The following GDPGP1 variants were observed in gnomAD, a reference collection of about 807,000 sequenced individuals.
The protein encoded by GDPGP1 is GDP-D-glucose phosphorylase C15orf58.
A neutral mutation model predicts 19.2 loss-of-function variants in GDPGP1; 18 were observed. That is an observed-to-expected ratio of 0.94 (90% confidence interval 0.65 to 1.39). GDPGP1 has a LOEUF of 1.39. GDPGP1 is among the 40% of genes most tolerant of loss of function. GDPGP1 has a pLI of 0.00. For synonymous variants in GDPGP1, 219 were observed against 208.9 expected (o/e 1.05, Z -0.42); for missense variants, 449 against 490.5 (o/e 0.92, Z 0.80).
Position 90,241,080 on chromosome 15 carries a change from C to T in GDPGP1, c.172C>T (p.Pro58Ser), listed in dbSNP as rs202104753. 3.7e-6 allele frequency: 6 copies of T among 1,614,198 alleles called. No homozygotes were observed. Among genetic ancestry groups the T allele is most frequent in the South Asian group, 3.3e-5 (3 of 91,086 alleles). ...PGIPDALPQS[P>S]FDAALCSAWK... ...CATCCCAGATGCTCTGCCACAATCTCCCTTTGATGCTGCACTCTGCTCTGC... is the reference window on the plus strand; with the variant it reads ...CATCCCAGATGCTCTGCCACAATCTTCCTTTGATGCTGCACTCTGCTCTGC... The change falls in exon 4 of 4, where the codon CCC becomes TCC. Residue 58 changes from proline to serine, a missense_variant. Coordinates refer to ENST00000329600, the MANE Select transcript of GDPGP1 (RefSeq NM_001013657.3).
At chr15:90,235,380 A>G (rs902323799) in intron 2 of GDPGP1, among the ~76,000 whole-genome samples, 3 of 152,210 alleles carry the variant, frequency 2.0e-5, no homozygotes, top group African/African-American at 7.2e-5. Context: ...AGCATGGCCA[A>G]CATGGCAAAA....
rs1363289233 is a variant in GDPGP1, at chr15:90,241,837, G to A, written c.929G>A (p.Arg310Gln). The A allele has an allele frequency of 6.2e-6, 10 of 1,614,064 alleles. No homozygotes were observed. Among genetic ancestry groups the A allele is most frequent in the South Asian group, 2.2e-5 (2 of 91,082 alleles). Residue 310 changes from arginine (R) to glutamine (Q), a missense_variant, in exon 4 of 4, where the codon CGA becomes CAA. Transcript: ENST00000329600. Reference sequence around the variant, plus strand: ...CCTTCCTCAGCCCTCACAGGGGTCCGAGTAATTCTGTGGGCCCGGAAGTCC... The same window carrying A: ...CCTTCCTCAGCCCTCACAGGGGTCCAAGTAATTCTGTGGGCCCGGAAGTCC... ...TSPSSALTGV[R>Q]VILWARKSSF...
chr15:90,241,803 A>C lies in GDPGP1; in HGVS notation c.895A>C (p.Lys299Gln). The C allele has an allele frequency of 6.2e-7, 1 of 1,614,230 alleles. No homozygotes were observed. The highest frequency in any genetic ancestry group is 8.5e-7 in the Non-Finnish European group (1 of 1,180,024). The change falls in exon 4 of 4, where the codon AAG (lysine) becomes CAG (glutamine). Residue 299 changes from lysine to glutamine, a missense_variant. Coordinates refer to ENST00000329600, the MANE Select transcript of GDPGP1 (RefSeq NM_001013657.3). The stretch of plus-strand genomic sequence containing the variant: ...TGTCACCCGGGGAGCTCCGCCGGGA[A>C]AGACATCACCTTCCTCAGCCCTCAC... ...LFVTRGAPPG[K>Q]TSPSSALTGV...
intron 2 of GDPGP1, among the ~76,000 whole-genome samples, chr15:90,235,787 C>G (rs8038370): frequency 0.013 from 2,019 of 152,086 alleles, 11 homozygotes; most frequent in Non-Finnish European, 0.021. Context: ...CCAGGATGGT[C>G]TGGATCTCCT....
chr15:90,241,638 T>A lies in GDPGP1; in HGVS notation c.730T>A (p.Leu244Met). The A allele has an allele frequency of 6.2e-7, 1 of 1,614,160 alleles. No individual in the cohort carries two copies. ...CGAGCCCCTGGACCCTGGAGGCCAT[T>A]TGCATCTGCTCCAGGACCTCCCAGC... ...PSEPLDPGGH[L>M]HLLQDLPAPG... The change falls in exon 4 of 4, where the codon TTG (leucine) becomes ATG (methionine). Residue 244 changes from leucine to methionine, a missense_variant. Physicochemically the swap from Leu to Met is conservative, Grantham distance 15. Coordinates refer to ENST00000329600, the MANE Select transcript of GDPGP1 (RefSeq NM_001013657.3).
chr15:90,241,908 G>A lies in GDPGP1; in HGVS notation c.1000G>A (p.Glu334Lys), dbSNP rs753356585. The change falls in exon 4 of 4, where the codon GAG (glutamate) becomes AAG (lysine). Residue 334 changes from glutamate (E) to lysine (K), a missense_variant. Physicochemically the swap from Glu to Lys is moderately conservative, Grantham distance 56. Transcript: ENST00000329600. ...TGAAGCTTTCAATGTTGCCCTCTGT[G>A]AGCTGGCTGGGCACCTCCCTGTCAA... ...DGEAFNVALC[E>K]LAGHLPVKTS... The A allele has an allele frequency of 6.2e-7, 1 of 1,614,096 alleles. No individual in the cohort carries two copies. Among genetic ancestry groups the A allele is most frequent in the South Asian group, 1.1e-5 (1 of 91,078 alleles).
chr15:90,241,382 C>T lies in GDPGP1; in HGVS notation c.474C>T (p.Asn158=), dbSNP rs200657228. The change falls in exon 4 of 4, where the codon AAC becomes AAT. Residue 158 remains asparagine (N), a synonymous_variant. Coordinates refer to ENST00000329600, the MANE Select transcript of GDPGP1 (RefSeq NM_001013657.3). ...LLQEDILVVI[N]VSPLEWGHVL... The stretch of plus-strand genomic sequence containing the variant: ...AAGAAGACATCCTGGTGGTGATCAA[C>T]GTCAGCCCCCTGGAGTGGGGCCACG... 1.1e-5 allele frequency: 18 copies of T among 1,614,046 alleles called. No homozygotes were observed. The highest frequency in any genetic ancestry group is 8.0e-5 in the African/African-American group (6 of 75,066).
chr15:90,237,549 G>A (rs1361623080), intron 2 of GDPGP1, among the ~76,000 whole-genome samples: 1 of 152,122 alleles, frequency 6.6e-6, no homozygotes, highest in East Asian at 1.9e-4. Context: ...CTCCCAATGT[G>A]CTGGTCCAGG....
At chr15:90,235,821 G>A (rs1567070942) in intron 2 of GDPGP1, among the ~76,000 whole-genome samples, 1 of 152,028 alleles carries the variant, frequency 6.6e-6, no homozygotes, top group African/African-American at 2.4e-5. Flanking sequence ...GCCCACCTCG[G>A]CCTCTCAAAG....
Position 90,241,504 on chromosome 15 carries a change from C to T in GDPGP1, c.596C>T (p.Pro199Leu), listed in dbSNP as rs200990512. The change falls in exon 4 of 4, where the codon CCG becomes CTG. Residue 199 changes from proline (P) to leucine (L), a missense_variant. Physicochemically the swap from Pro to Leu is moderately conservative, Grantham distance 98 (BLOSUM62 -3). Transcript: ENST00000329600. ...GAGGCTGTGCTGCTGAGCTTACACCCGGGCTTCCGTGTCGGCTTCAACAGC... is the reference window on the plus strand; with the variant it reads ...GAGGCTGTGCTGCTGAGCTTACACCTGGGCTTCCGTGTCGGCTTCAACAGC... ...GIEAVLLSLHPGFRVGFNSLG... is the reference protein window; with the variant it reads ...GIEAVLLSLHLGFRVGFNSLG... The T allele has an allele frequency of 1.9e-5, 30 of 1,613,746 alleles. No individual in the cohort carries two copies. The highest frequency in any genetic ancestry group is 4.4e-5 in the South Asian group (4 of 91,064).
rs141541505 is a variant in GDPGP1, at chr15:90,242,253, C to CTTT, written c.*210_*212dup. On this transcript the variant is annotated 3_prime_UTR_variant, in exon 4 of 4. Transcript: ENST00000329600. ...TAGGCGTGCACCACCACACACCTGG[C>CTTT]TTTTTTTTTTTTTTTTTTTTTTTTT... 2 of 89,312 alleles carry CTTT rather than the reference C, an allele frequency of 2.2e-5. No individual in the cohort carries two copies. The highest frequency in any genetic ancestry group is 1.7e-4 in the Admixed American group (1 of 5,846). The allele number at this position is 89,312 out of a possible 1,614,324, so 5.5% of individuals were successfully genotyped here.
Position 90,241,748 on chromosome 15 carries a change from G to C in GDPGP1, c.840G>C (p.Leu280=). The change falls in exon 4 of 4, where the codon CTG becomes CTC. Residue 280 remains leucine (L), a synonymous_variant. Transcript: ENST00000329600. ...GGGTATGTCGGGCCACTGATTATCT[G>C]ACTGACCATGAGATTGCTCATAACT... ...ISRVCRATDY[L]TDHEIAHNLF... The C allele has an allele frequency of 6.2e-7, 1 of 1,614,258 alleles. No individual in the cohort carries two copies. Among genetic ancestry groups the C allele is most frequent in the South Asian group, 1.1e-5 (1 of 91,082 alleles).
In GDPGP1 at chr15:90,243,441, G is replaced by A. The variant is rs1943719279; in HGVS notation, c.*1375G>A. 1 of 152,116 alleles carries A rather than the reference G, an allele frequency of 6.6e-6. No homozygotes were observed. The highest frequency in any genetic ancestry group is 6.6e-5 in the Admixed American group (1 of 15,246). 9.4% of individuals were successfully genotyped at this position (152,116 alleles called of 1,614,324 possible). On this transcript the variant is annotated 3_prime_UTR_variant, in exon 4 of 4. Coordinates refer to ENST00000329600, the MANE Select transcript of GDPGP1 (RefSeq NM_001013657.3). ...AGCTCACTGCAGACCCAAACTCTTGGTCTCAAGCCACCCTCCCACCTCAGC... is the reference window on the plus strand; with the variant it reads ...AGCTCACTGCAGACCCAAACTCTTGATCTCAAGCCACCCTCCCACCTCAGC...
Position 90,241,271 on chromosome 15 carries a change from T to C in GDPGP1, c.363T>C (p.Pro121=). 1 of 1,614,138 alleles carries C rather than the reference T, an allele frequency of 6.2e-7. No individual in the cohort carries two copies. The highest frequency in any genetic ancestry group is 1.3e-5 in the African/African-American group (1 of 75,012). The change falls in exon 4 of 4, where the codon CCT becomes CCC. Residue 121 remains proline, a synonymous_variant. Transcript: ENST00000329600. ...AGAGTGTGAGGCAGGCATTTGACCC[T>C]GTACAGTTCAACTTCAACAAGATCC... ...TIKSVRQAFD[P]VQFNFNKIRP...
At position 90,245,038 on chromosome 15, in the gene GDPGP1, T is replaced by C. The variant is rs772074420; in HGVS notation, c.*2972T>C. 2.0e-5 allele frequency: 3 copies of C among 152,256 alleles called. No homozygotes were observed. Among genetic ancestry groups the C allele is most frequent in the Non-Finnish European group, 4.4e-5 (3 of 68,062 alleles). The allele number at this position is 152,256 out of a possible 1,614,324, so 9.4% of individuals were successfully genotyped here. On this transcript the variant is annotated 3_prime_UTR_variant, in exon 4 of 4. Transcript: ENST00000329600. ...CAAACTGTGGGTCCTAGCCCTGGCT[T>C]AGGCCTTCAGGTCGTTGGCTCCCTA...
At chr15:90,236,896 C>T (rs1238989947) in intron 2 of GDPGP1, among the ~76,000 whole-genome samples, 1 of 152,116 alleles carries the variant, frequency 6.6e-6, no homozygotes, top group East Asian at 1.9e-4. Flanking sequence ...CATATTGTCC[C>T]TCCTGTACCT....
chr15:90,245,481 A>AAAAAG lies in GDPGP1; in HGVS notation c.*3419_*3420insGAAAA, dbSNP rs1555426182. ...GAGAGAGACTTTGTCTCAAAAAAAA[A>AAAAAG]AAAAAAGAAAAAAACAGTTTACCAT... On this transcript the variant is annotated 3_prime_UTR_variant, in exon 4 of 4. Coordinates refer to ENST00000329600, the MANE Select transcript of GDPGP1 (RefSeq NM_001013657.3). 1.3e-5 allele frequency: 2 copies of AAAAAG among 152,022 alleles called. No individual in the cohort carries two copies. The highest frequency in any genetic ancestry group is 6.6e-5 in the Admixed American group (1 of 15,252). The allele number at this position is 152,022 out of a possible 1,614,324, so 9.4% of individuals were successfully genotyped here.
Position 90,241,223 on chromosome 15 carries a change from G to A in GDPGP1, c.315G>A (p.Gln105=). The part of the protein sequence containing the change: ...VAQLNVERGV[Q]RRPPQTIKSV... The stretch of plus-strand genomic sequence containing the variant: ...AGCTGAATGTGGAGCGTGGTGTGCA[G>A]AGGAGGCCCCCGCAGACCATCAAGA... Residue 105 remains glutamine, a synonymous_variant, in exon 4 of 4, where the codon CAG becomes CAA. Coordinates refer to ENST00000329600, the MANE Select transcript of GDPGP1 (RefSeq NM_001013657.3). 1.2e-6 allele frequency: 2 copies of A among 1,614,166 alleles called. No individual in the cohort carries two copies. The highest frequency in any genetic ancestry group is 1.6e-4 in the Middle Eastern group (1 of 6,062).
intron 3 of GDPGP1, 138 bp downstream of exon 3, chr15:90,238,686 C>T (rs1962685218): frequency 6.6e-6 from 1 of 152,202 alleles, no homozygotes; most frequent in Non-Finnish European, 1.5e-5. Flanking sequence ...GCCCTGGACA[C>T]TTACCCACAC....
Sources: gnomAD v4.1 joint callset for allele counts (sites outside exome capture counted in the v4.1 genomes callset) on GRCh38, gnomAD v4.1.1 for gene constraint, MANE v1.5 for transcripts, NCBI Gene and HGNC (gene_info 2026-07-23, HGNC 2026-07-21) for gene names.